Variants in PDZD9 observed in about 807,000 individuals in gnomAD.
The protein encoded by PDZD9 is PDZ domain-containing protein 9.
Under a neutral mutation model 16.3 loss-of-function variants are expected in PDZD9, and 13 were observed. The ratio of observed to expected loss-of-function variants is 0.80; its 90% confidence interval spans 0.52 to 1.27. PDZD9 has a LOEUF of 1.27. Ranked by LOEUF, PDZD9 falls within the 50% of genes most tolerant of loss-of-function variation. The pLI, the probability that PDZD9 is intolerant of heterozygous loss-of-function variation, is 0.00. For synonymous variants in PDZD9, 120 were observed against 111.0 expected (o/e 1.08, Z -0.51); for missense variants, 288 against 310.9 (o/e 0.93, Z 0.55).
At chr16:21,964,813 T>A in the PDZD9 span, among the ~76,000 whole-genome samples, 2 of 152,232 alleles carry the variant, frequency 1.3e-5, no homozygotes, top group East Asian at 3.8e-4. Flanking sequence ...GTTCCACATC[T>A]CTGTATTTCT....
chr16:21,967,391 A>G, the PDZD9 span, among the ~76,000 whole-genome samples: 1 of 151,972 alleles, frequency 6.6e-6, no homozygotes, highest in Non-Finnish European at 1.5e-5. Context: ...TACCACAGAT[A>G]GAGTTTATGT....
the PDZD9 span, among the ~76,000 whole-genome samples, chr16:21,967,061 A>G: frequency 6.6e-6 from 1 of 152,186 alleles, no homozygotes; most frequent in South Asian, 2.1e-4. Context: ...AAATATCAAG[A>G]TGTTAACTGT....
downstream of PDZD9, chr16:21,983,224 G>A (rs1238550963): frequency 9.9e-6 from 15 of 1,513,266 alleles, no homozygotes; most frequent in Non-Finnish European, 1.4e-5. Flanking sequence ...GCCCAGAGCA[G>A]CAAACACATG....
the PDZD9 span, among the ~76,000 whole-genome samples, chr16:21,978,847 T>G: frequency 6.6e-6 from 1 of 152,164 alleles, no homozygotes; most frequent in Non-Finnish European, 1.5e-5. Context: ...TAAGAGGAAC[T>G]GGCTTGACTA....
At chr16:21,987,706 G>T (rs549047949) in intron 3 of PDZD9, among the ~76,000 whole-genome samples, 1 of 152,130 alleles carries the variant, frequency 6.6e-6, no homozygotes, top group Admixed American at 6.5e-5. Context: ...GAAGGCTATG[G>T]GTGGCCCTGG....
downstream of PDZD9, chr16:21,980,391 G>A (rs1426045186): frequency 5.4e-6 from 4 of 747,158 alleles, no homozygotes; most frequent in Admixed American, 5.7e-5. Flanking sequence ...CCAGAGAAGG[G>A]AGTGGCATTC....
At chr16:21,977,851 G>A in the PDZD9 span, among the ~76,000 whole-genome samples, 1 of 152,214 alleles carries the variant, frequency 6.6e-6, no homozygotes, top group South Asian at 2.1e-4. Context: ...TTGTTATGCT[G>A]AGCACACTAC....
At chr16:21,965,463 G>A in the PDZD9 span, 4 of 1,613,724 alleles carry the variant, frequency 2.5e-6, no homozygotes, top group African/African-American at 1.3e-5. Flanking sequence ...CTAATCCCTT[G>A]TATTGTCCTG....
chr16:21,972,724 A>G, the PDZD9 span, among the ~76,000 whole-genome samples: 1 of 152,176 alleles, frequency 6.6e-6, no homozygotes, highest in Non-Finnish European at 1.5e-5. Flanking sequence ...AATCCAATGA[A>G]GTAATTTAAT....
At chr16:21,987,769 G>A (rs1241188845) in intron 3 of PDZD9, among the ~76,000 whole-genome samples, 1 of 152,114 alleles carries the variant, frequency 6.6e-6, no homozygotes, top group Non-Finnish European at 1.5e-5. Flanking sequence ...AGTGGGTGGA[G>A]GAGTGTCTGG....
chr16:21,958,536 C>T, the PDZD9 span: 13 of 1,611,444 alleles, frequency 8.1e-6, no homozygotes, highest in East Asian at 6.7e-5. Context: ...TTTTTCAAGA[C>T]GACAAAAGGA....
At chr16:21,958,974 A>G in the PDZD9 span, among the ~76,000 whole-genome samples, 40 of 152,336 alleles carry the variant, frequency 2.6e-4, 1 homozygote, top group East Asian at 5.6e-3. Flanking sequence ...TTTGTCTTGG[A>G]AAAAAAGTAC....
downstream of PDZD9, chr16:21,980,567 A>G (rs139312246): frequency 2.1e-4 from 340 of 1,614,012 alleles, 1 homozygote; most frequent in East Asian, 7.4e-3. Context: ...AAAGCTGGAT[A>G]CCTAATGTCA....
At chr16:21,982,033 G>A (rs1421871709), downstream of PDZD9, among the ~76,000 whole-genome samples, 1 of 151,608 alleles carries the variant, frequency 6.6e-6, no homozygotes, top group Non-Finnish European at 1.5e-5. Context: ...GTAGAGACGG[G>A]GTTTTACCAT....
intron 2 of PDZD9, chr16:21,995,088 C>G: frequency 2.6e-6 from 1 of 388,750 alleles, no homozygotes; most frequent in Admixed American, 2.7e-5. Flanking sequence ...GGAGGAGGGG[C>G]CTGGGGGGAG....
chr16:21,970,632 C>G, the PDZD9 span, among the ~76,000 whole-genome samples: 1 of 152,168 alleles, frequency 6.6e-6, no homozygotes, highest in Non-Finnish European at 1.5e-5. Flanking sequence ...GTTGCCCAGG[C>G]TGGAGTGCAG....
the PDZD9 span, chr16:21,958,608 A>C: frequency 3.7e-6 from 6 of 1,609,428 alleles, no homozygotes; most frequent in African/African-American, 8.0e-5. Context: ...AGGTTTGTTA[A>C]ATAAGTAATA....
the PDZD9 span, among the ~76,000 whole-genome samples, chr16:21,967,101 AT>A: frequency 6.6e-6 from 1 of 152,180 alleles, no homozygotes; most frequent in Non-Finnish European, 1.5e-5. Flanking sequence ...AGTTAATAGT[AT>A]TTTTTAAATG....
chr16:21,964,578 T>G, the PDZD9 span, among the ~76,000 whole-genome samples: 1 of 152,204 alleles, frequency 6.6e-6, no homozygotes, highest in South Asian at 2.1e-4. Context: ...TGCCTTTGTT[T>G]TGTCTGCTTC....
Sources: allele counts gnomAD v4.1 joint callset (sites outside exome capture counted in the v4.1 genomes callset), GRCh38; gene constraint gnomAD v4.1.1; transcripts MANE v1.5; gene names NCBI Gene and HGNC (gene_info 2026-07-23, HGNC 2026-07-21).